Variants in STK3 observed in about 807,000 individuals in gnomAD.
STK3 encodes the protein serine/threonine kinase 3.
STK3 carries 41 observed loss-of-function variants against 58.0 expected under a neutral mutation model. That is an observed-to-expected ratio of 0.71 (90% CI 0.55 to 0.92). STK3 has a LOEUF of 0.92. Among genes scored for constraint, STK3 ranks in the 40% least tolerant of loss-of-function variants. The probability of loss-of-function intolerance (pLI) is 0.00; values close to 1 mark genes in which losing one functional copy is unlikely to be tolerated. For missense variants in STK3, 479 were observed against 602.7 expected, an observed-to-expected ratio of 0.79 and a Z score of 2.15; for synonymous variants, 170 against 191.0, an observed-to-expected ratio of 0.89 and a Z score of 0.91.
At chr8:98,452,572 G>A (rs1393116993), downstream of STK3, among the ~76,000 whole-genome samples, 1 of 152,100 alleles carries the variant, frequency 6.6e-6, no homozygotes, top group Non-Finnish European at 1.5e-5. Context: ...TGATTCACTA[G>A]CTTCAGTTAC....
intron 3 of STK3, among the ~76,000 whole-genome samples, chr8:98,843,845 C>T (rs1228877895): frequency 1.3e-5 from 2 of 152,172 alleles, no homozygotes; most frequent in Non-Finnish European, 2.9e-5. Flanking sequence ...GGCAAAACCC[C>T]GTCTCTACTA....
chr8:98,720,489 GCCTGTAATCCCA>G (rs1827319040), intron 4 of STK3, among the ~76,000 whole-genome samples: 2 of 152,102 alleles, frequency 1.3e-5, no homozygotes, highest in African/African-American at 4.8e-5. Flanking sequence ...GGTGGCTCAC[GCCTGTAATCCCA>G]GCACTTTGGA....
intron 1 of STK3, among the ~76,000 whole-genome samples, chr8:98,387,645 G>A (rs1234194470): frequency 6.6e-6 from 1 of 152,188 alleles, no homozygotes; most frequent in African/African-American, 2.4e-5. Flanking sequence ...CTACTCAGGA[G>A]GCTGAGGCAG....
downstream of STK3, among the ~76,000 whole-genome samples, chr8:98,450,076 T>C (rs1473980694): frequency 6.6e-6 from 1 of 152,212 alleles, no homozygotes; most frequent in African/African-American, 2.4e-5. Context: ...TCAACCATTA[T>C]AGCAACACAA....
intron 4 of STK3, among the ~76,000 whole-genome samples, chr8:98,710,316 C>A (rs964146359): frequency 6.6e-6 from 1 of 152,134 alleles, no homozygotes; most frequent in Non-Finnish European, 1.5e-5. Flanking sequence ...GTACAGTGCA[C>A]TGAGCATGAG....
chr8:98,398,135 C>T (rs557980249), downstream of STK3, among the ~76,000 whole-genome samples: 4 of 152,290 alleles, frequency 2.6e-5, no homozygotes, highest in South Asian at 2.1e-4. Context: ...CAGCAGAGAG[C>T]GAAGGGCATC....
At chr8:98,514,794 C>T (rs1824801243) in intron 10 of STK3, among the ~76,000 whole-genome samples, 1 of 152,024 alleles carries the variant, frequency 6.6e-6, no homozygotes, top group Non-Finnish European at 1.5e-5. Context: ...TTCATGGTTC[C>T]ATTCTGTACT....
chr8:98,590,972 G>A (rs559862970), intron 7 of STK3, among the ~76,000 whole-genome samples: 21 of 151,658 alleles, frequency 1.4e-4, no homozygotes, highest in Admixed American at 5.3e-4. Flanking sequence ...TCTTTTTTAC[G>A]TTGCTTTGCA....
intron 6 of STK3, among the ~76,000 whole-genome samples, chr8:98,669,232 T>C (rs1051716672): frequency 6.6e-6 from 1 of 152,122 alleles, no homozygotes; most frequent in Non-Finnish European, 1.5e-5. Context: ...CCTGACATCA[T>C]GATCCACCCA....
intron 2 of STK3, among the ~76,000 whole-genome samples, chr8:98,374,786 A>G (rs1817655594): frequency 6.6e-6 from 1 of 152,238 alleles, no homozygotes; most frequent in East Asian, 1.9e-4. Flanking sequence ...AGAATGCAGG[A>G]GAAAATGAAA....
intron 1 of STK3, among the ~76,000 whole-genome samples, chr8:98,906,989 T>TAAAAAAAAAAAAAAAAAAAA (rs3085954): frequency 1.1e-5 from 1 of 94,780 alleles, no homozygotes; most frequent in African/African-American, 4.2e-5. Context: ...TCTCTACCAA[T>TAAAAAAAAAAAAAAAAAAAA]AAAAAAAAAA....
downstream of STK3, among the ~76,000 whole-genome samples, chr8:98,399,171 C>T (rs573759608): frequency 1.3e-5 from 2 of 152,334 alleles, no homozygotes; most frequent in East Asian, 1.9e-4. Flanking sequence ...CTCACCCCCA[C>T]CCAGAGTAAA....
intron 6 of STK3, among the ~76,000 whole-genome samples, chr8:98,620,489 A>C (rs964557626): frequency 2.0e-5 from 3 of 149,382 alleles, no homozygotes; most frequent in Admixed American, 1.3e-4. Flanking sequence ...TAAATAAATA[A>C]ATAAATAAAT....
At chr8:98,579,630 GA>G (rs771385452) in intron 8 of STK3, 33 bp downstream of exon 8, 2 of 1,595,852 alleles carry the variant, frequency 1.3e-6, no homozygotes, top group Admixed American at 3.5e-5. Flanking sequence ...TAACTCAGAA[GA>G]AAAAAATCAA....
In STK3 at chr8:98,591,485, G is replaced by A. The variant is rs555525320; in HGVS notation, c.822+4547C>T. 3.3e-5 allele frequency among the ~76,000 whole-genome samples: 5 copies of A among 152,280 alleles called. No homozygotes were observed. The South Asian group carries it at 1.0e-3, about 32-fold the overall frequency. On this transcript the variant is annotated intron_variant, in intron 7 of 10. Coordinates refer to ENST00000419617, the MANE Select transcript of STK3 (RefSeq NM_006281.4). ...CTCCATTGTAAGTTAAGGAGCACTTGTACTTAAAAACTTGGCAATTTGTCT... is the reference window on the plus strand; with the variant it reads ...CTCCATTGTAAGTTAAGGAGCACTTATACTTAAAAACTTGGCAATTTGTCT...
intron 3 of STK3, among the ~76,000 whole-genome samples, chr8:98,759,239 TTG>T (rs150275698): frequency 1.2e-3 from 177 of 152,258 alleles, no homozygotes; most frequent in African/African-American, 3.7e-3. Flanking sequence ...AAAGTGAGAG[TTG>T]TGTGACTCTC....
intron 1 of STK3, among the ~76,000 whole-genome samples, chr8:98,926,031 G>A (rs1423341083): frequency 2.6e-5 from 4 of 152,174 alleles, no homozygotes; most frequent in African/African-American, 9.7e-5. Context: ...GGGGCCGGGG[G>A]AGAAGAGAGG....
intron 1 of STK3, among the ~76,000 whole-genome samples, chr8:98,379,924 A>G (rs1300243697): frequency 6.6e-6 from 1 of 152,238 alleles, no homozygotes; most frequent in African/African-American, 2.4e-5. Context: ...GGAATGGATG[A>G]AGAAAATGTG....
At chr8:98,777,696 G>C (rs191363220) in intron 1 of STK3, among the ~76,000 whole-genome samples, 3 of 152,252 alleles carry the variant, frequency 2.0e-5, no homozygotes, top group African/African-American at 7.2e-5. Context: ...ACATCAAAGA[G>C]AGACTTCTAA....
Sources: allele counts gnomAD v4.1 joint callset (sites outside exome capture counted in the v4.1 genomes callset), GRCh38; gene constraint gnomAD v4.1.1; transcripts MANE v1.5; gene names NCBI Gene and HGNC (gene_info 2026-07-23, HGNC 2026-07-21).